The following CSMD3 variants were observed in gnomAD, a reference collection of about 807,000 sequenced individuals.
The protein encoded by CSMD3 is CUB and Sushi multiple domains 3, also known as CUB and sushi domain-containing protein 3.
In CSMD3, 177 loss-of-function variants were observed where a neutral mutation model predicts 435.2. The observed-to-expected ratio is 0.41, with a 90% CI of 0.36 to 0.46. The LOEUF is 0.46. Ranked by LOEUF, CSMD3 falls within the 20% of genes least tolerant of loss-of-function variation. The pLI, the probability that CSMD3 is intolerant of heterozygous loss-of-function variation, is 0.34. For synonymous variants in CSMD3, 1,656 were observed against 1,520.5 expected, an observed-to-expected ratio of 1.09 and a Z score of -2.07; for missense variants, 4,265 against 4,504.6, an observed-to-expected ratio of 0.95 and a Z score of 1.52.
chr8:113,341,038 G>A (rs1424585820), intron 1 of CSMD3, among the ~76,000 whole-genome samples: 2 of 151,902 alleles, frequency 1.3e-5, no homozygotes, highest in South Asian at 2.1e-4. Context: ...GGTGATTTCT[G>A]TTTTTTAACA....
intron 9 of CSMD3, among the ~76,000 whole-genome samples, chr8:112,936,429 A>G (rs966273702): frequency 2.0e-5 from 3 of 152,148 alleles, no homozygotes; most frequent in Non-Finnish European, 4.4e-5. Flanking sequence ...TATACATAAT[A>G]AAGCTGAAGG....
At chr8:113,036,186 C>T (rs1314260058) in intron 5 of CSMD3, among the ~76,000 whole-genome samples, 1 of 151,906 alleles carries the variant, frequency 6.6e-6, no homozygotes, top group African/African-American at 2.4e-5. Flanking sequence ...CACATTTTCT[C>T]ATTCACAATT....
intron 27 of CSMD3, among the ~76,000 whole-genome samples, chr8:112,540,137 T>A (rs1826520303): frequency 6.6e-6 from 1 of 151,968 alleles, no homozygotes; most frequent in African/African-American, 2.4e-5. Flanking sequence ...TGAATAGGCA[T>A]TTTTCAAAAT....
chr8:112,325,336 C>T (rs16883432), intron 45 of CSMD3, among the ~76,000 whole-genome samples: 30,587 of 151,936 alleles, frequency 0.2, 3,660 homozygotes, highest in East Asian at 0.37. Context: ...AATCTATCTT[C>T]CTAGCTCTTT....
chr8:113,346,416 T>C (rs2094151428), intron 1 of CSMD3, among the ~76,000 whole-genome samples: 2 of 152,252 alleles, frequency 1.3e-5, no homozygotes, highest in Admixed American at 6.5e-5. Flanking sequence ...GCAATTAAAA[T>C]TGAGGAATCA....
intron 1 of CSMD3, among the ~76,000 whole-genome samples, chr8:113,328,158 G>A (rs2093997862): frequency 6.6e-6 from 1 of 152,080 alleles, no homozygotes; most frequent in Non-Finnish European, 1.5e-5. Flanking sequence ...GAAAGATGGG[G>A]CCGGGCGCGG....
intron 13 of CSMD3, among the ~76,000 whole-genome samples, chr8:112,690,324 AT>A (rs1307605779): frequency 6.6e-6 from 1 of 151,982 alleles, no homozygotes; most frequent in East Asian, 1.9e-4. Context: ...CAGAAAAATT[AT>A]GATAAGATCT....
chr8:113,408,116 T>C (rs912532869), intron 1 of CSMD3, among the ~76,000 whole-genome samples: 2 of 151,988 alleles, frequency 1.3e-5, no homozygotes, highest in Admixed American at 6.6e-5. Flanking sequence ...GTTTAAAGAG[T>C]TGGATTGTCT....
chr8:112,460,377 G>A (rs1412681862), intron 32 of CSMD3, among the ~76,000 whole-genome samples: 3 of 151,882 alleles, frequency 2.0e-5, no homozygotes, highest in Non-Finnish European at 4.4e-5. Context: ...AAGGGGTTAA[G>A]TAAAAGAGAA....
intron 61 of CSMD3, among the ~76,000 whole-genome samples, chr8:112,257,329 G>C (rs1815906139): frequency 6.6e-6 from 1 of 152,208 alleles, no homozygotes; most frequent in East Asian, 1.9e-4. Flanking sequence ...TAGGAAGACA[G>C]GAAGTCAAAT....
At chr8:112,682,966 A>C (rs1189336755) in intron 15 of CSMD3, among the ~76,000 whole-genome samples, 2 of 152,108 alleles carry the variant, frequency 1.3e-5, no homozygotes, top group Non-Finnish European at 2.9e-5. Flanking sequence ...GCTGGTCAGA[A>C]TTTCAATTAA....
At chr8:112,542,940 G>A (rs1383135842) in intron 27 of CSMD3, among the ~76,000 whole-genome samples, 1 of 152,076 alleles carries the variant, frequency 6.6e-6, no homozygotes, top group Non-Finnish European at 1.5e-5. Flanking sequence ...CACACCATAA[G>A]ACAGGGCAAC....
At chr8:113,399,106 T>TATATATATATATATATATAC (rs773585004) in intron 1 of CSMD3, among the ~76,000 whole-genome samples, 4 of 95,060 alleles carry the variant, frequency 4.2e-5, no homozygotes, top group East Asian at 3.4e-4. Context: ...TATATATATA[T>TATATATATATATATATATAC]ACACACACAC....
intron 2 of CSMD3, among the ~76,000 whole-genome samples, chr8:113,305,092 A>C (rs2093808453): frequency 6.9e-6 from 1 of 145,012 alleles, no homozygotes. Flanking sequence ...ATAGGTGGGA[A>C]CTGAACAGTG....
rs536878407 is a variant in CSMD3 at position 112,269,602 on chromosome 8, T to C, written c.9509-4012A>G. Reference sequence around the variant, plus strand: ...CACTCTGTGTATGATGGGCTCTAGGTAACAGAGGTGGTACTGCCTGTTAGA... The same window carrying C: ...CACTCTGTGTATGATGGGCTCTAGGCAACAGAGGTGGTACTGCCTGTTAGA... On this transcript the variant is annotated intron_variant, in intron 59 of 70. Transcript: ENST00000297405. Among the ~76,000 whole-genome samples the C allele has an allele frequency of 5.9e-5, 9 of 152,292 alleles. No individual in the cohort carries two copies. The East Asian group carries it at 1.7e-3, about 29-fold the overall frequency.
chr8:112,586,791 CTTA>C (rs1194904068), intron 23 of CSMD3, among the ~76,000 whole-genome samples: 1 of 150,888 alleles, frequency 6.6e-6, no homozygotes, highest in African/African-American at 2.4e-5. Flanking sequence ...TTAAAGTTTT[CTTA>C]TTTTGGTATT....
At chr8:112,310,264 A>C (rs558605922) in intron 50 of CSMD3, 2 of 152,230 alleles carry the variant, frequency 1.3e-5, no homozygotes, top group Admixed American at 6.6e-5. Flanking sequence ...TTGTTGCCCA[A>C]GCTGGAGTGC....
intron 1 of CSMD3, among the ~76,000 whole-genome samples, chr8:113,321,994 A>AT (rs973338399): frequency 6.6e-6 from 1 of 152,176 alleles, no homozygotes; most frequent in Non-Finnish European, 1.5e-5. Flanking sequence ...TTTGTTTTAA[A>AT]TTTTTTAATA....
At chr8:113,065,718 G>A (rs1426568733) in intron 5 of CSMD3, among the ~76,000 whole-genome samples, 1 of 152,032 alleles carries the variant, frequency 6.6e-6, no homozygotes, top group Non-Finnish European at 1.5e-5. Context: ...AAAATTATCT[G>A]GTCTTTATCA....
Sources: gnomAD v4.1 joint callset for allele counts (sites outside exome capture counted in the v4.1 genomes callset) on GRCh38, gnomAD v4.1.1 for gene constraint, MANE v1.5 for transcripts, NCBI Gene and HGNC (gene_info 2026-07-23, HGNC 2026-07-21) for gene names.